TRAF3IP1: variants seen among roughly 807,000 people sequenced by gnomAD.
TRAF3IP1 encodes the protein TRAF3-interacting protein 1.
A neutral mutation model predicts 89.9 loss-of-function variants in TRAF3IP1; 53 were observed. The ratio of observed to expected loss-of-function variants is 0.59; its 90% CI spans 0.47 to 0.74. TRAF3IP1 has a LOEUF of 0.74. Among genes scored for constraint, TRAF3IP1 ranks in the 30% least tolerant of loss-of-function variants. The probability of loss-of-function intolerance (pLI) is 0.00; values close to 1 mark genes in which losing one functional copy is unlikely to be tolerated. For missense variants in TRAF3IP1, 806 were observed against 866.1 expected, an observed-to-expected ratio of 0.93 and a Z score of 0.87; for synonymous variants, 311 against 322.1, an observed-to-expected ratio of 0.97 and a Z score of 0.37.
At chr2:238,378,378 A>G (rs1700408237) in intron 15 of TRAF3IP1, among the ~76,000 whole-genome samples, 1 of 152,246 alleles carries the variant, frequency 6.6e-6, no homozygotes, top group African/African-American at 2.4e-5. Context: ...TGTGCTAGGC[A>G]CTGTTCTCGG....
intron 15 of TRAF3IP1, among the ~76,000 whole-genome samples, chr2:238,377,879 A>G (rs1264593356): frequency 6.6e-6 from 1 of 152,170 alleles, no homozygotes; most frequent in Non-Finnish European, 1.5e-5. Flanking sequence ...TTATGAGAGT[A>G]TTCAGGCTTT....
intron 5 of TRAF3IP1, among the ~76,000 whole-genome samples, chr2:238,331,696 T>C (rs1449272063): frequency 6.6e-6 from 1 of 152,164 alleles, no homozygotes; most frequent in Non-Finnish European, 1.5e-5. Context: ...GGGGGCTTCT[T>C]CATTGAGCCG....
At chr2:238,360,966 T>C (rs1195408683) in intron 15 of TRAF3IP1, among the ~76,000 whole-genome samples, 1 of 152,214 alleles carries the variant, frequency 6.6e-6, no homozygotes, top group Non-Finnish European at 1.5e-5. Context: ...ATACATAATA[T>C]ATAATGACAC....
Position 238,392,916 on chromosome 2 carries a change from G to C in TRAF3IP1, c.1690-4543G>C, listed in dbSNP as rs546932259. 3.5e-4 allele frequency among the ~76,000 whole-genome samples: 53 copies of C among 152,318 alleles called. 1 individual carries two copies. Among genetic ancestry groups the C allele is most frequent in the African/African-American group, 1.2e-3 (51 of 41,584 alleles). ...ATTGGTAGATAGTTTTCCCTGGTGT[G>C]GATGCACCACAGTTTAGTTAACCAA... On this transcript the variant is annotated intron_variant, in intron 15 of 16. Coordinates refer to ENST00000373327, the MANE Select transcript of TRAF3IP1 (RefSeq NM_015650.4).
At chr2:238,359,796 A>T (rs540276315) in intron 15 of TRAF3IP1, among the ~76,000 whole-genome samples, 19 of 152,294 alleles carry the variant, frequency 1.2e-4, no homozygotes, top group South Asian at 4.1e-4. Context: ...GATGCCTGAG[A>T]CTGTGGATAG....
In TRAF3IP1 at chr2:238,332,816, T is replaced by C; in HGVS notation, c.916-8T>C. 2 of 1,600,870 alleles carry C rather than the reference T, an allele frequency of 1.2e-6. No individual in the cohort carries two copies. The highest frequency in any genetic ancestry group is 1.7e-6 in the Non-Finnish European group (2 of 1,174,112). ...TTCTAAAGTTTGAATTTTTTTTTTT[T>C]TTAATAGTCAGCAAGCTCAGGGGAG... On this transcript the variant is annotated splice_polypyrimidine_tract_variant and splice_region_variant and intron_variant, in intron 5 of 16. Coordinates refer to ENST00000373327, the MANE Select transcript of TRAF3IP1 (RefSeq NM_015650.4).
chr2:238,361,972 T>G (rs1021210264), intron 15 of TRAF3IP1, among the ~76,000 whole-genome samples: 4 of 152,232 alleles, frequency 2.6e-5, no homozygotes, highest in Admixed American at 6.5e-5. Flanking sequence ...GGGAGGCCGC[T>G]GGCTCTCCAC....
chr2:238,342,292 AT>A (rs1191960871), intron 8 of TRAF3IP1, among the ~76,000 whole-genome samples: 7 of 152,242 alleles, frequency 4.6e-5, no homozygotes, highest in Non-Finnish European at 1.0e-4. Flanking sequence ...CCTGGCCGTC[AT>A]TTTCATTTTA....
At position 238,399,468 on chromosome 2, in the gene TRAF3IP1, A is replaced by G. The variant is rs1279219913; in HGVS notation, c.*549A>G. 6.6e-6 allele frequency: 1 copy of G among 152,106 alleles called. No homozygotes were observed. The highest frequency in any genetic ancestry group is 1.5e-5 in the Non-Finnish European group (1 of 68,042). 9.4% of individuals were successfully genotyped at this position (152,106 alleles called of 1,614,324 possible). On this transcript the variant is annotated 3_prime_UTR_variant, in exon 17 of 17. Coordinates refer to ENST00000373327, the MANE Select transcript of TRAF3IP1 (RefSeq NM_015650.4). ...GGTACCTATCAACTGGATTGTTTTC[A>G]TTTTTGTTTTTTGACCTCTTTGTAA...
intron 15 of TRAF3IP1, among the ~76,000 whole-genome samples, chr2:238,376,904 T>C (rs898929705): frequency 6.6e-6 from 1 of 152,174 alleles, no homozygotes; most frequent in East Asian, 1.9e-4. Flanking sequence ...GCTAATAACA[T>C]AGGTCATAGT....
intron 2 of TRAF3IP1, 119 bp from the exon 3 acceptor site, chr2:238,325,690 A>G (rs1161613207): frequency 4.3e-5 from 43 of 1,001,914 alleles, no homozygotes; most frequent in African/African-American, 6.6e-5. Flanking sequence ...GATTTGTTAT[A>G]TATCTAAAAA....
At position 238,338,433 on chromosome 2, in the gene TRAF3IP1, C is replaced by A; in HGVS notation, c.1135C>A (p.Gln379Lys). ...IVSGINNEPN[Q>K]ETTTSEIGTK... ...GTCTGGAATAAATAATGAGCCAAAT[C>A]AGGAAACGACAACATCAGAAATAGG... Residue 379 changes from glutamine (Q) to lysine (K), a missense_variant, in exon 8 of 17, where the codon CAG becomes AAG. Gln to Lys is a moderately conservative substitution (Grantham distance 53). Transcript: ENST00000373327. 6.3e-7 allele frequency: 1 copy of A among 1,592,156 alleles called. No homozygotes were observed. Among genetic ancestry groups the A allele is most frequent in the South Asian group, 1.1e-5 (1 of 87,290 alleles).
chr2:238,347,364 C>A, intron 9 of TRAF3IP1, 91 bp from the exon 10 acceptor site: 1 of 1,342,338 alleles, frequency 7.4e-7, no homozygotes, highest in Non-Finnish European at 1.1e-6. Context: ...AAATTATGTA[C>A]AGTGTGTTTT....
intron 5 of TRAF3IP1, among the ~76,000 whole-genome samples, chr2:238,332,456 G>T (rs983281784): frequency 6.6e-6 from 1 of 152,202 alleles, no homozygotes; most frequent in Non-Finnish European, 1.5e-5. Flanking sequence ...GGTGTTGGAG[G>T]TTTATATTGT....
chr2:238,349,484 G>A lies in TRAF3IP1; in HGVS notation c.1451+76G>A, dbSNP rs1031244627. On this transcript the variant is annotated intron_variant, in intron 12 of 16. Coordinates refer to ENST00000373327, the MANE Select transcript of TRAF3IP1 (RefSeq NM_015650.4). ...GGGCATGGTGCCTCCGCTAAGAGAA[G>A]GGGGAGGGAAGCAGCACATGGTGCT... The A allele has an allele frequency of 9.0e-6, 13 of 1,436,504 alleles. No individual in the cohort carries two copies. The African/African-American group carries it at 1.3e-4, about 14-fold the overall frequency. The allele number at this position is 1,436,504 out of a possible 1,614,324, so 89.0% of individuals were successfully genotyped here. A position where few individuals can be genotyped will look rare whatever the true frequency, so the allele number is the denominator to read the frequency against.
rs1047591603 is a variant in TRAF3IP1 at position 238,375,541 on chromosome 2, T to C, written c.1689+19461T>C. On this transcript the variant is annotated intron_variant, in intron 15 of 16. Coordinates refer to ENST00000373327, the MANE Select transcript of TRAF3IP1 (RefSeq NM_015650.4). ...CTTTTACATTTGCTGAGGAGTGTTT[T>C]ACTACCAATTATGTGGTCAATTTTG... Among the ~76,000 whole-genome samples, 16 of 152,198 alleles carry C rather than the reference T, an allele frequency of 1.1e-4. No homozygotes were observed. In the East Asian group the frequency reaches 3.1e-3, roughly 29 times the overall value.
intron 12 of TRAF3IP1, among the ~76,000 whole-genome samples, chr2:238,349,939 C>T (rs111506677): frequency 6.6e-6 from 1 of 151,944 alleles, no homozygotes; most frequent in Non-Finnish European, 1.5e-5. Context: ...GGCGTGGTGG[C>T]GTGTGCCTGT....
rs937646995 is a variant in TRAF3IP1, at chr2:238,379,346, A to G, written c.1690-18113A>G. Among the ~76,000 whole-genome samples, 70 of 152,186 alleles carry G rather than the reference A, an allele frequency of 4.6e-4. No individual in the cohort carries two copies. The highest frequency in any genetic ancestry group is 2.6e-4 in the Admixed American group (4 of 15,282). On this transcript the variant is annotated intron_variant, in intron 15 of 16. Coordinates refer to ENST00000373327, the MANE Select transcript of TRAF3IP1 (RefSeq NM_015650.4). This position sits in a 1 kb window ranked among gnomAD's most constrained non-coding sequence, Gnocchi z 4.0. ...ACAGCATTGGTCACTGACTGAGACC[A>G]TGCGACTGACTGAGACCATGCAGCT...
intron 15 of TRAF3IP1, 139 bp from the exon 16 acceptor site, chr2:238,397,320 G>A (rs1280745202): frequency 5.8e-6 from 4 of 688,108 alleles, no homozygotes; most frequent in Non-Finnish European, 1.0e-5. Context: ...CTTTGCATGG[G>A]AGTGAGTGTC....
Sources: allele counts gnomAD v4.1 joint callset (sites outside exome capture counted in the v4.1 genomes callset), GRCh38; gene constraint gnomAD v4.1.1; non-coding constraint Gnocchi (gnomAD v3.1); transcripts MANE v1.5; gene names NCBI Gene and HGNC (gene_info 2026-07-23, HGNC 2026-07-21).